PGPEP1: variants seen among roughly 807,000 people sequenced by gnomAD.
PGPEP1 encodes the protein pyroglutamyl-peptidase 1.
A neutral mutation model predicts 24.1 loss-of-function variants in PGPEP1; 15 were observed. The observed-to-expected ratio is 0.62, with a 90% CI of 0.42 to 0.96. PGPEP1 has a LOEUF of 0.96. Among genes scored for constraint, PGPEP1 ranks in the 40% least tolerant of loss-of-function variants. The pLI is 0.00. For synonymous variants in PGPEP1, 122 were observed against 116.4 expected (o/e 1.05, Z -0.31); for missense variants, 242 against 273.4 (o/e 0.89, Z 0.81).
rs35175980 is a variant in PGPEP1, at chr19:18,343,003, C to CTTT, written c.87+104_87+106dup. ...CAAGAAGGTCCCCTTTTAACAAAAA[C>CTTT]TTTTTTTTTTTTTTGAGACGAAATC... is the stretch of plus-strand genomic sequence containing the variant. On this transcript the variant is annotated intron_variant, in intron 2 of 4. Coordinates refer to ENST00000269919, the MANE Select transcript of PGPEP1 (RefSeq NM_017712.4). 3.1e-4 allele frequency: 230 copies of CTTT among 736,676 alleles called. 1 individual carries two copies. The highest frequency in any genetic ancestry group is 3.9e-4 in the Non-Finnish European group (173 of 440,092). The allele number at this position is 736,676 out of a possible 1,614,324, so 45.6% of individuals were successfully genotyped here.
intron 2 of PGPEP1, among the ~76,000 whole-genome samples, chr19:18,354,164 G>A (rs978380766): frequency 6.6e-6 from 1 of 152,148 alleles, no homozygotes; most frequent in African/African-American, 2.4e-5. Context: ...GAACCCAGGA[G>A]GCAGAGGTTG....
At chr19:18,341,602 G>T in intron 1 of PGPEP1, among the ~76,000 whole-genome samples, 1 of 152,312 alleles carries the variant, frequency 6.6e-6, no homozygotes, top group African/African-American at 2.4e-5. Flanking sequence ...CTGCTTAACA[G>T]GTGTGTATAA....
Position 18,357,610 on chromosome 19 carries a change from C to G in PGPEP1, c.432C>G (p.Ala144=), listed in dbSNP as rs373695173. 6.2e-7 allele frequency: 1 copy of G among 1,601,404 alleles called. No homozygotes were observed. Among genetic ancestry groups the G allele is most frequent in the Admixed American group, 1.7e-5 (1 of 58,400 alleles). Residue 144 remains alanine (A), a synonymous_variant, in exon 4 of 5, where the codon GCC becomes GCG. Transcript: ENST00000269919. ...TGTCGGTGACCATCTCGCAGGATGCCGGCAGGTAGGGCCCTGTGGGGTGGG... is the reference window on the plus strand; with the variant it reads ...TGTCGGTGACCATCTCGCAGGATGCGGGCAGGTAGGGCCCTGTGGGGTGGG... The part of the protein sequence containing the change: ...LDVSVTISQD[A]GRYLCDFTYY...
At chr19:18,349,741 C>T (rs1970967865) in intron 2 of PGPEP1, among the ~76,000 whole-genome samples, 1 of 152,160 alleles carries the variant, frequency 6.6e-6, no homozygotes, top group South Asian at 2.1e-4. Flanking sequence ...AGTCTCGCCA[C>T]GGGTCATGCC....
chr19:18,352,270 A>AAAAAAAAAAAT, intron 2 of PGPEP1, among the ~76,000 whole-genome samples: 1 of 145,518 alleles, frequency 6.9e-6, no homozygotes, highest in Non-Finnish European at 1.5e-5. Context: ...CCGTCTCAAA[A>AAAAAAAAAAAT]AAAAAAAAAA....
At chr19:18,361,095 G>T (rs988628088) in intron 4 of PGPEP1, among the ~76,000 whole-genome samples, 3 of 151,786 alleles carry the variant, frequency 2.0e-5, no homozygotes, top group African/African-American at 7.3e-5. Context: ...GCCTCCCAAG[G>T]TGCTAGAATT....
At chr19:18,346,409 G>A (rs1167940153) in intron 2 of PGPEP1, among the ~76,000 whole-genome samples, 1 of 152,104 alleles carries the variant, frequency 6.6e-6, no homozygotes, top group Non-Finnish European at 1.5e-5. Context: ...TGCACTGTGG[G>A]TGGCAATTGC....
chr19:18,363,033 T>TGTGTGTGTGTGTG (rs1971390850), intron 4 of PGPEP1, among the ~76,000 whole-genome samples: 92 of 136,786 alleles, frequency 6.7e-4, no homozygotes, highest in African/African-American at 2.2e-3. Context: ...TTTTTTTTGT[T>TGTGTGTGTGTGTG]TGTGTGTGTG....
chr19:18,342,388 G>A (rs569416808), intron 1 of PGPEP1, among the ~76,000 whole-genome samples: 7 of 152,302 alleles, frequency 4.6e-5, no homozygotes, highest in African/African-American at 1.2e-4. Flanking sequence ...AGCCTTGGGC[G>A]ACTGTCGTGT....
intron 1 of PGPEP1, among the ~76,000 whole-genome samples, chr19:18,341,949 C>T (rs7255983): frequency 0.23 from 35,607 of 151,524 alleles, 4,745 homozygotes; most frequent in Non-Finnish European, 0.27. Flanking sequence ...CTCTTGTTGC[C>T]CAAGCTGGAG....
rs373180895 is a variant in PGPEP1, at chr19:18,357,488, G to A, written c.310G>A (p.Gly104Ser). 3.5e-5 allele frequency: 57 copies of A among 1,613,526 alleles called. No homozygotes were observed. The Middle Eastern group carries it at 6.6e-4, about 19-fold the overall frequency. The change falls in exon 4 of 5, where the codon GGC (glycine) becomes AGC (serine). Residue 104 changes from glycine to serine, a missense_variant. Gly to Ser is a moderately conservative substitution (Grantham distance 56, BLOSUM62 0). Transcript: ENST00000269919. ...GCTGGACAACTGCCGCTTTTGCCCC[G>A]GCTCCCAGTGCTGCGTGGAGGACGG... ...KGLDNCRFCP[G>S]SQCCVEDGPE... is the part of the protein sequence containing the mutation.
rs1173809011 is a variant in PGPEP1, at chr19:18,369,669, A to G, written c.*6086A>G. 5 of 152,162 alleles carry G rather than the reference A, an allele frequency of 3.3e-5. No individual in the cohort carries two copies. The South Asian group carries it at 6.2e-4, about 19-fold the overall frequency. 9.4% of individuals were successfully genotyped at this position (152,162 alleles called of 1,614,324 possible). ...GCTTGGTTCTGGGGGCTCCTCTAACATCTCAGGTTTTTATCTTGTCTTAAA... is the reference window on the plus strand; with the variant it reads ...GCTTGGTTCTGGGGGCTCCTCTAACGTCTCAGGTTTTTATCTTGTCTTAAA... On this transcript the variant is annotated 3_prime_UTR_variant, in exon 5 of 5. Coordinates refer to ENST00000269919, the MANE Select transcript of PGPEP1 (RefSeq NM_017712.4).
chr19:18,347,625 T>G (rs1410937238), intron 2 of PGPEP1, among the ~76,000 whole-genome samples: 1 of 150,542 alleles, frequency 6.6e-6, no homozygotes, highest in Non-Finnish European at 1.5e-5. Context: ...TCTCTCTGTC[T>G]CTGTCTCTCC....
chr19:18,355,790 G>A, intron 2 of PGPEP1, 105 bp from the exon 3 acceptor site: 1 of 729,756 alleles, frequency 1.4e-6, no homozygotes, highest in East Asian at 2.6e-5. Context: ...TTGCCATCCT[G>A]CAGAATGAGT....
intron 4 of PGPEP1, among the ~76,000 whole-genome samples, chr19:18,362,116 C>G (rs576268682): frequency 6.6e-6 from 1 of 151,904 alleles, no homozygotes; most frequent in African/African-American, 2.4e-5. Flanking sequence ...GATCTAAAAA[C>G]GGGAAATAGG....
chr19:18,349,353 G>T (rs1232276379), intron 2 of PGPEP1, among the ~76,000 whole-genome samples: 2 of 151,508 alleles, frequency 1.3e-5, no homozygotes, highest in African/African-American at 4.9e-5. Context: ...TAGAGACAGG[G>T]TTTCGCCATG....
chr19:18,349,130 G>A, intron 2 of PGPEP1: 1 of 978,662 alleles, frequency 1.0e-6, no homozygotes, highest in Non-Finnish European at 1.2e-6. Flanking sequence ...TGGGGTATGT[G>A]TATATGCTGA....
In PGPEP1 at chr19:18,366,634, C is replaced by A. The variant is rs1459266002; in HGVS notation, c.*3051C>A. ...TACAGGCGCCCGTCACCACACCTGG[C>A]TAATTTTTGTATTTTTAGTAGAGAT... On this transcript the variant is annotated 3_prime_UTR_variant, in exon 5 of 5. Coordinates refer to ENST00000269919, the MANE Select transcript of PGPEP1 (RefSeq NM_017712.4). 6.6e-6 allele frequency: 1 copy of A among 152,004 alleles called. No homozygotes were observed. Among genetic ancestry groups the A allele is most frequent in the Non-Finnish European group, 1.5e-5 (1 of 68,006 alleles). 9.4% of individuals were successfully genotyped at this position (152,004 alleles called of 1,614,324 possible).
chr19:18,356,733 C>G (rs1004369148), intron 3 of PGPEP1, among the ~76,000 whole-genome samples: 5 of 151,984 alleles, frequency 3.3e-5, no homozygotes, highest in African/African-American at 1.2e-4. Flanking sequence ...GGCAACAGAA[C>G]AAGTCTCTTA....
Sources: allele counts gnomAD v4.1 joint callset (sites outside exome capture counted in the v4.1 genomes callset), GRCh38; gene constraint gnomAD v4.1.1; transcripts MANE v1.5; gene names NCBI Gene and HGNC (gene_info 2026-07-23, HGNC 2026-07-21).